Variants in NWD1 observed in about 807,000 individuals in gnomAD.
The protein encoded by NWD1 is NACHT domain- and WD repeat-containing protein 1.
Under a neutral mutation model 135.1 loss-of-function variants are expected in NWD1, and 129 were observed. That is an observed-to-expected ratio of 0.96 (90% CI 0.83 to 1.11). NWD1 has a LOEUF of 1.11. Among genes scored for constraint, NWD1 ranks in the 50% least tolerant of loss-of-function variants. The pLI is 0.00. For missense variants in NWD1, 1,740 were observed against 1,851.3 expected (o/e 0.94, Z 1.10); for synonymous variants, 773 against 786.0 (o/e 0.98, Z 0.28).
intron 6 of NWD1, among the ~76,000 whole-genome samples, chr19:16,752,749 C>A (rs888644586): frequency 1.3e-5 from 2 of 152,188 alleles, no homozygotes; most frequent in African/African-American, 4.8e-5. Context: ...GTAATCCCAG[C>A]ACTTTGGGAG....
chr19:16,752,075 C>G (rs1050484930), intron 6 of NWD1, among the ~76,000 whole-genome samples: 1 of 152,176 alleles, frequency 6.6e-6, no homozygotes, highest in Non-Finnish European at 1.5e-5. Flanking sequence ...CACACTCCCT[C>G]CTCTGAGTTT....
At chr19:16,776,274 A>G (rs1221735413) in intron 11 of NWD1, among the ~76,000 whole-genome samples, 1 of 152,038 alleles carries the variant, frequency 6.6e-6, no homozygotes, top group Non-Finnish European at 1.5e-5. Flanking sequence ...GTTCATTTTT[A>G]ATATGAAAAG....
chr19:16,791,114 G>A (rs905664916), intron 13 of NWD1, among the ~76,000 whole-genome samples: 1 of 151,916 alleles, frequency 6.6e-6, no homozygotes, highest in East Asian at 1.9e-4. Flanking sequence ...CGTGTCTGTG[G>A]TCCCAGCTTC....
At chr19:16,774,716 CCATTCATCCATT>C (rs1248094273) in intron 11 of NWD1, among the ~76,000 whole-genome samples, 1 of 152,046 alleles carries the variant, frequency 6.6e-6, no homozygotes, top group Non-Finnish European at 1.5e-5. Context: ...ACTCACCCAT[CCATTCATCCATT>C]CATTCATCCT....
intron 2 of NWD1, 171 bp from the exon 3 acceptor site, chr19:16,731,021 A>C: frequency 2.2e-6 from 1 of 456,908 alleles, no homozygotes; most frequent in Non-Finnish European, 3.9e-6. Flanking sequence ...AGGAGAGAGA[A>C]TCTCTTGAGG....
At chr19:16,797,642 C>T in intron 15 of NWD1, 90 bp from the exon 16 acceptor site, 1 of 1,238,926 alleles carries the variant, frequency 8.1e-7, no homozygotes, top group Non-Finnish European at 1.1e-6. Context: ...ACCACCACAT[C>T]CGGCCTCCAA....
chr19:16,811,947 C>T (rs772545909), intron 18 of NWD1, among the ~76,000 whole-genome samples: 16 of 151,674 alleles, frequency 1.1e-4, no homozygotes, highest in Admixed American at 2.0e-4. Context: ...ACCCAGGAGA[C>T]GGAGGTTGCA....
chr19:16,769,010 T>G (rs1208413032), intron 10 of NWD1, among the ~76,000 whole-genome samples: 1 of 152,180 alleles, frequency 6.6e-6, no homozygotes, highest in Non-Finnish European at 1.5e-5. Flanking sequence ...ACCCTTTGGT[T>G]TATTTTCCAT....
At chr19:16,728,624 C>T (rs879716508) in intron 2 of NWD1, among the ~76,000 whole-genome samples, 2 of 150,380 alleles carry the variant, frequency 1.3e-5, no homozygotes, top group Admixed American at 6.6e-5. Context: ...GAAATTACAT[C>T]CTGGTTCGGG....
At chr19:16,758,420 G>C (rs1968878039) in intron 6 of NWD1, among the ~76,000 whole-genome samples, 1 of 152,128 alleles carries the variant, frequency 6.6e-6, no homozygotes, top group Non-Finnish European at 1.5e-5. Context: ...GGGACTACAG[G>C]TGTGTGCCCC....
intron 2 of NWD1, among the ~76,000 whole-genome samples, chr19:16,725,486 A>G (rs1967293237): frequency 3.3e-5 from 5 of 152,018 alleles, no homozygotes. Flanking sequence ...TCACCTAACA[A>G]CAAACCTCCT....
Position 16,788,963 on chromosome 19 carries a change from C to G in NWD1, c.2732-19C>G, listed in dbSNP as rs1227320575. On this transcript the variant is annotated intron_variant, in intron 12 of 18. Transcript: ENST00000524140. ...ATGTTCCCAGCTAATATACTCTCCC[C>G]TACCCTGGCCTGCTGCAGGAGAGGT... 2.5e-6 allele frequency: 4 copies of G among 1,598,520 alleles called. No individual in the cohort carries two copies. The South Asian group carries it at 4.4e-5, about 18-fold the overall frequency.
intron 10 of NWD1, among the ~76,000 whole-genome samples, chr19:16,770,498 G>A (rs59388758): frequency 0.21 from 31,215 of 152,050 alleles, 3,606 homozygotes; most frequent in Middle Eastern, 0.41. Flanking sequence ...TTTATTAGCA[G>A]CATGAGAACA....
chr19:16,792,085 G>C (rs1970267325), intron 14 of NWD1, among the ~76,000 whole-genome samples: 1 of 152,104 alleles, frequency 6.6e-6, no homozygotes, highest in Non-Finnish European at 1.5e-5. Context: ...GGCGTCTCTT[G>C]GGGACTGACC....
Position 16,763,853 on chromosome 19 carries a change from C to T in NWD1, c.2159C>T (p.Ser720Leu). 6.2e-7 allele frequency: 1 copy of T among 1,613,858 alleles called. No individual in the cohort carries two copies. The highest frequency in any genetic ancestry group is 8.5e-7 in the Non-Finnish European group (1 of 1,179,822). Residue 720 changes from serine to leucine, a missense_variant, in exon 9 of 19, where the codon TCA becomes TTA. Transcript: ENST00000524140. The part of the protein sequence containing the change: ...RKVAPQPLWF[S>L]HTVANLRKLK... Reference sequence around the variant, plus strand: ...GTGGCCCCGCAGCCTCTGTGGTTCTCACATACGGTTGCAAACCTGCGGAAG... The same window carrying T: ...GTGGCCCCGCAGCCTCTGTGGTTCTTACATACGGTTGCAAACCTGCGGAAG...
rs766220747 is a variant in NWD1 at position 16,812,699 on chromosome 19, C to CA, written c.4288-2323dup. 2.0e-4 allele frequency: 154 copies of CA among 779,184 alleles called. 2 individuals carry two copies. Among genetic ancestry groups the CA allele is most frequent in the South Asian group, 2.0e-3 (146 of 74,494 alleles). 48.3% of individuals were successfully genotyped at this position (779,184 alleles called of 1,614,324 possible). A position where few individuals can be genotyped will look rare whatever the true frequency, so the allele number is the denominator to read the frequency against. ...ACAAACAAACAAACAAACAAACAAA[C>CA]AAAAAACCCAAGAAAAAGAGAGATC... On this transcript the variant is annotated intron_variant, in intron 18 of 18. Coordinates refer to ENST00000524140, the MANE Select transcript of NWD1 (RefSeq NM_001007525.5).
rs925208784 is a variant in NWD1, at chr19:16,720,122, C to A, written c.-276C>A. ...CTCAGCTGTCTTCTTCAGCAACAAA[C>A]AGAAGTCCAGAAAGAGAAACAGTTG... On this transcript the variant is annotated 5_prime_UTR_variant, in exon 1 of 19. Transcript: ENST00000524140. The A allele has an allele frequency of 9.2e-5, 14 of 152,178 alleles. No individual in the cohort carries two copies. Among genetic ancestry groups the A allele is most frequent in the Admixed American group, 9.2e-4 (14 of 15,250 alleles). 9.4% of individuals were successfully genotyped at this position (152,178 alleles called of 1,614,324 possible). A position where few individuals can be genotyped will look rare whatever the true frequency, so the allele number is the denominator to read the frequency against.
intron 4 of NWD1, among the ~76,000 whole-genome samples, chr19:16,740,375 A>G (rs1480033365): frequency 1.3e-5 from 2 of 152,020 alleles, no homozygotes; most frequent in Admixed American, 6.6e-5. Flanking sequence ...TCACTCTGTC[A>G]CCCAGGCTGG....
rs1278441877 is a variant in NWD1 at position 16,815,351 on chromosome 19, CT to C, written c.*313del. On this transcript the variant is annotated 3_prime_UTR_variant, in exon 19 of 19. Transcript: ENST00000524140. ...GTAAAAAAATAAAAATAAAAAAACC[CT>C]GTGGGGGTATGGGGCTCCAGTGAGT... 4.2e-6 allele frequency: 3 copies of C among 712,816 alleles called. No homozygotes were observed. In the South Asian group the frequency reaches 4.6e-5, roughly 11 times the overall value. 44.2% of individuals were successfully genotyped at this position (712,816 alleles called of 1,614,324 possible). A position where few individuals can be genotyped will look rare whatever the true frequency, so the allele number is the denominator to read the frequency against.
Sources: gnomAD v4.1 joint callset for allele counts (sites outside exome capture counted in the v4.1 genomes callset) on GRCh38, gnomAD v4.1.1 for gene constraint, MANE v1.5 for transcripts, NCBI Gene and HGNC (gene_info 2026-07-23, HGNC 2026-07-21) for gene names.